The following USH2A variants were observed in gnomAD, a reference collection of about 807,000 sequenced individuals.
The protein encoded by USH2A is usherin.
In USH2A, 443 loss-of-function variants were observed where a neutral mutation model predicts 538.9. The ratio of observed to expected loss-of-function variants is 0.82; its 90% CI spans 0.76 to 0.89. The LOEUF (loss-of-function observed/expected upper bound fraction) is 0.89, where lower values mean the gene tolerates loss of function less well. USH2A is among the 40% of genes least tolerant of loss of function. The pLI, the probability that USH2A is intolerant of heterozygous loss-of-function variation, is 0.00. For synonymous variants in USH2A, 2,413 were observed against 2,273.5 expected (o/e 1.06, Z -1.75); for missense variants, 6,633 against 6,324.8 (o/e 1.05, Z -1.65).
chr1:216,370,611 G>C (rs1030960495), intron 3 of USH2A, among the ~76,000 whole-genome samples: 2 of 143,344 alleles, frequency 1.4e-5, no homozygotes, highest in African/African-American at 2.6e-5. Context: ...CCGGGAGGCG[G>C]AGGTTGTGGT....
chr1:215,884,018 T>C (rs1338738396), intron 41 of USH2A, among the ~76,000 whole-genome samples: 1 of 152,036 alleles, frequency 6.6e-6, no homozygotes, highest in African/African-American at 2.4e-5. Context: ...AGTTGAACAA[T>C]GAGAACACAT....
At chr1:216,045,214 A>G (rs2030460301) in intron 32 of USH2A, among the ~76,000 whole-genome samples, 2 of 152,166 alleles carry the variant, frequency 1.3e-5, no homozygotes, top group Admixed American at 6.6e-5. Context: ...TCATCAGTCA[A>G]CATTTGATTA....
At chr1:216,370,604 G>A (rs564434205) in intron 3 of USH2A, among the ~76,000 whole-genome samples, 11 of 145,578 alleles carry the variant, frequency 7.6e-5, no homozygotes, top group African/African-American at 2.8e-4. Flanking sequence ...GCTAAACCCG[G>A]GAGGCGGAGG....
chr1:216,152,477 C>T (rs1156971521), intron 21 of USH2A, among the ~76,000 whole-genome samples: 2 of 151,054 alleles, frequency 1.3e-5, no homozygotes, highest in Non-Finnish European at 2.9e-5. Context: ...GCCCACTGAG[C>T]ACCTTGCGAC....
At chr1:215,717,796 A>G (rs1479910134) in intron 61 of USH2A, among the ~76,000 whole-genome samples, 1 of 152,170 alleles carries the variant, frequency 6.6e-6, no homozygotes, top group African/African-American at 2.4e-5. Context: ...GCAATAGCCC[A>G]GGTTTTCAAC....
At chr1:216,255,868 G>A (rs1169759680) in intron 11 of USH2A, among the ~76,000 whole-genome samples, 3 of 152,096 alleles carry the variant, frequency 2.0e-5, no homozygotes, top group Non-Finnish European at 4.4e-5. Context: ...TTCTCCTTCA[G>A]TTACGTTAGT....
intron 55 of USH2A, among the ~76,000 whole-genome samples, chr1:215,775,758 A>G (rs1319817456): frequency 6.6e-6 from 1 of 152,244 alleles, no homozygotes; most frequent in Non-Finnish European, 1.5e-5. Flanking sequence ...TCAGTATAAC[A>G]TTAGTATTAC....
intron 66 of USH2A, 61 bp downstream of exon 66, chr1:215,648,467 G>A: frequency 6.5e-7 from 1 of 1,549,178 alleles, no homozygotes. Flanking sequence ...GCTATACCAT[G>A]AGTTCATATG....
In USH2A at chr1:216,423,443, G is replaced by T. The variant is rs2039713122; in HGVS notation, c.-434C>A. ...GCGTGGTCTGCTTGGTGGCCCTCTT[G>T]GAACTGAGCTGCCCAAGCTTTCCGC... On this transcript the variant is annotated 5_prime_UTR_variant, in exon 1 of 72. Coordinates refer to ENST00000307340, the MANE Select transcript of USH2A (RefSeq NM_206933.4). 6.6e-6 allele frequency: 1 copy of T among 152,124 alleles called. No individual in the cohort carries two copies. The highest frequency in any genetic ancestry group is 2.1e-4 in the South Asian group (1 of 4,820). 9.4% of individuals were successfully genotyped at this position (152,124 alleles called of 1,614,324 possible).
chr1:216,389,514 T>A (rs1478337695), intron 3 of USH2A, among the ~76,000 whole-genome samples: 1 of 152,152 alleles, frequency 6.6e-6, no homozygotes. Context: ...AATAAAACAA[T>A]TTTTAATTTT....
chr1:215,685,515 G>A (rs1001179819), intron 61 of USH2A, among the ~76,000 whole-genome samples: 1 of 151,726 alleles, frequency 6.6e-6, no homozygotes, highest in African/African-American at 2.4e-5. Context: ...CCGCCACCAC[G>A]CCCAGGTAAT....
At chr1:216,360,169 A>G (rs1213799277) in intron 4 of USH2A, among the ~76,000 whole-genome samples, 2 of 152,136 alleles carry the variant, frequency 1.3e-5, no homozygotes, top group Non-Finnish European at 2.9e-5. Flanking sequence ...GATGTCCTTC[A>G]GTAGGTGAAT....
intron 15 of USH2A, among the ~76,000 whole-genome samples, chr1:216,214,931 A>G (rs1254970859): frequency 6.6e-6 from 1 of 152,096 alleles, no homozygotes; most frequent in African/African-American, 2.4e-5. Flanking sequence ...TCGCTAGGAA[A>G]GCATACAGAA....
chr1:216,389,253 G>C (rs2039058622), intron 3 of USH2A, among the ~76,000 whole-genome samples: 1 of 152,130 alleles, frequency 6.6e-6, no homozygotes, highest in South Asian at 2.1e-4. Flanking sequence ...TGTGAATACT[G>C]TCTAAGCAGT....
intron 58 of USH2A, among the ~76,000 whole-genome samples, chr1:215,756,940 A>T (rs1416877065): frequency 7.1e-6 from 1 of 141,814 alleles, no homozygotes; most frequent in Non-Finnish European, 1.5e-5. Context: ...ACAAACAAAC[A>T]AATAAATAAA....
intron 70 of USH2A, 40 bp from the exon 71 acceptor site, chr1:215,629,075 A>G (rs1000082565): frequency 1.3e-6 from 2 of 1,570,664 alleles, no homozygotes. Context: ...CATATAAAGA[A>G]TATGGGCTTG....
At position 216,321,954 on chromosome 1, in the gene USH2A, C is replaced by A. The variant is rs375741757; in HGVS notation, c.1573G>T (p.Asp525Tyr). 1 of 1,613,640 alleles carries A rather than the reference C, an allele frequency of 6.2e-7. No homozygotes were observed. Among genetic ancestry groups the A allele is most frequent in the Non-Finnish European group, 8.5e-7 (1 of 1,179,856 alleles). The change falls in exon 9 of 72, where the codon GAT becomes TAT. Residue 525 changes from aspartate (D) to tyrosine (Y), a missense_variant. Coordinates refer to ENST00000307340, the MANE Select transcript of USH2A (RefSeq NM_206933.4). Reference sequence around the variant, plus strand: ...GGCTGGCTTGTTGTGTCGCAGTTATCGGCATGACCATGGCACTGACATCTG... The same window carrying A: ...GGCTGGCTTGTTGTGTCGCAGTTATAGGCATGACCATGGCACTGACATCTG... ...SGRCQCHGHADNCDTTSQPYR... is the reference protein window; with the variant it reads ...SGRCQCHGHAYNCDTTSQPYR...
At chr1:216,317,166 A>G (rs945022479) in intron 9 of USH2A, among the ~76,000 whole-genome samples, 1 of 152,136 alleles carries the variant, frequency 6.6e-6, no homozygotes, top group African/African-American at 2.4e-5. Flanking sequence ...AAATTCCTCA[A>G]AGATCTAGAG....
rs149797612 is a variant in USH2A, at chr1:215,790,121, C to G, written c.10120G>C (p.Val3374Leu). 1 of 1,613,810 alleles carries G rather than the reference C, an allele frequency of 6.2e-7. No individual in the cohort carries two copies. Among genetic ancestry groups the G allele is most frequent in the Non-Finnish European group, 8.5e-7 (1 of 1,179,998 alleles). ...IPKSQKCCNG[V>L]GYNPLKYVCS... Reference sequence around the variant, plus strand: ...ACATATTTCAAAGGATTATATCCAACTCCATTACAGCATTTCTGGCTCTTT... The same window carrying G: ...ACATATTTCAAAGGATTATATCCAAGTCCATTACAGCATTTCTGGCTCTTT... The change falls in exon 51 of 72, where the codon GTT (valine) becomes CTT (leucine). Residue 3374 changes from valine (V) to leucine (L), a missense_variant. Val to Leu is a conservative substitution (Grantham distance 32, BLOSUM62 1). Coordinates refer to ENST00000307340, the MANE Select transcript of USH2A (RefSeq NM_206933.4).
Sources: allele counts gnomAD v4.1 joint callset (sites outside exome capture counted in the v4.1 genomes callset), GRCh38; gene constraint gnomAD v4.1.1; transcripts MANE v1.5; gene names NCBI Gene and HGNC (gene_info 2026-07-23, HGNC 2026-07-21).